Variants in UBE2E2 observed in about 807,000 individuals in gnomAD.
The protein encoded by UBE2E2 is ubiquitin-conjugating enzyme E2 E2.
Under a neutral mutation model 24.7 loss-of-function variants are expected in UBE2E2, and 6 were observed. That is an observed-to-expected ratio of 0.24 (90% CI 0.13 to 0.48). The LOEUF is 0.48. UBE2E2 is among the 20% of genes least tolerant of loss of function. The probability of loss-of-function intolerance (pLI) is 0.99; values close to 1 mark genes in which losing one functional copy is unlikely to be tolerated. For missense variants in UBE2E2, 169 were observed against 245.0 expected, an observed-to-expected ratio of 0.69 and a Z score of 2.07; for synonymous variants, 104 against 83.6, an observed-to-expected ratio of 1.24 and a Z score of -1.33.
chr3:23,291,921 C>T (rs577252908), intron 3 of UBE2E2, among the ~76,000 whole-genome samples: 30 of 137,278 alleles, frequency 2.2e-4, no homozygotes, highest in South Asian at 2.1e-3. Context: ...TGCAGTGGCA[C>T]GATCTCGGCT....
chr3:23,276,293 A>G (rs1287591631), intron 3 of UBE2E2, among the ~76,000 whole-genome samples: 1 of 152,122 alleles, frequency 6.6e-6, no homozygotes, highest in African/African-American at 2.4e-5. Context: ...CATTTATTCT[A>G]ATTTTTGATT....
At chr3:23,312,507 G>A (rs1020728339) in intron 3 of UBE2E2, among the ~76,000 whole-genome samples, 2 of 150,808 alleles carry the variant, frequency 1.3e-5, no homozygotes, top group Non-Finnish European at 3.0e-5. Context: ...ACCATCCCAC[G>A]TTTCCCCAAT....
intron 3 of UBE2E2, among the ~76,000 whole-genome samples, chr3:23,484,248 C>A (rs1300833305): frequency 6.6e-6 from 1 of 152,186 alleles, no homozygotes; most frequent in African/African-American, 2.4e-5. Context: ...AGCTTAATTG[C>A]TTAATTGCCA....
chr3:23,527,403 C>T (rs549998762), intron 4 of UBE2E2, among the ~76,000 whole-genome samples: 1 of 152,262 alleles, frequency 6.6e-6, no homozygotes, highest in South Asian at 2.1e-4. Context: ...AAAATGGAAA[C>T]AACCCTGCGA....
chr3:23,355,257 A>G (rs916479498), intron 3 of UBE2E2, among the ~76,000 whole-genome samples: 2 of 151,692 alleles, frequency 1.3e-5, no homozygotes, highest in South Asian at 2.1e-4. Context: ...GAGGGATAGC[A>G]TTAGGAGATA....
chr3:23,208,904 G>C (rs745945070), intron 2 of UBE2E2, 29 bp downstream of exon 2: 3 of 1,559,160 alleles, frequency 1.9e-6, no homozygotes, highest in Admixed American at 3.8e-5. Context: ...CCTTTTTATT[G>C]TTGGTATCAA....
intron 3 of UBE2E2, among the ~76,000 whole-genome samples, chr3:23,361,340 G>A (rs1410559715): frequency 6.6e-6 from 1 of 152,002 alleles, no homozygotes. Context: ...TCTACCCAAA[G>A]GAAAATAAGT....
At chr3:23,433,816 T>C (rs572749577) in intron 3 of UBE2E2, among the ~76,000 whole-genome samples, 10 of 151,926 alleles carry the variant, frequency 6.6e-5, no homozygotes, top group Non-Finnish European at 1.3e-4. Flanking sequence ...AGCTAACTAA[T>C]AGAAGTATAT....
rs143938191 is a variant in UBE2E2, at chr3:23,493,714, A to G, written c.228-5894A>G. On this transcript the variant is annotated intron_variant, in intron 3 of 5. Transcript: ENST00000396703. ...GCAGCAGTGGATATACATGATTTCT[A>G]AAGTTCTGCTATATCTAAATATACA... 4.5e-4 allele frequency among the ~76,000 whole-genome samples: 69 copies of G among 152,320 alleles called. No homozygotes were observed. The East Asian group carries it at 0.011, about 23-fold the overall frequency.
chr3:23,287,622 T>C (rs1212288986), intron 3 of UBE2E2, among the ~76,000 whole-genome samples: 1 of 152,176 alleles, frequency 6.6e-6, no homozygotes, highest in African/African-American at 2.4e-5. Context: ...TGTTCAGGTT[T>C]TGGATTTCTT....
intron 3 of UBE2E2, among the ~76,000 whole-genome samples, chr3:23,363,855 G>T (rs529993615): frequency 6.6e-6 from 1 of 151,718 alleles, no homozygotes; most frequent in South Asian, 2.1e-4. Flanking sequence ...CTTCTCATCT[G>T]CACATGGCAT....
At chr3:23,406,672 C>T (rs1161767057) in intron 3 of UBE2E2, among the ~76,000 whole-genome samples, 1 of 152,116 alleles carries the variant, frequency 6.6e-6, no homozygotes, top group Non-Finnish European at 1.5e-5. Context: ...AAAAGATTAT[C>T]TTTGAGGTTA....
At chr3:23,545,886 A>T (rs1695511755) in intron 5 of UBE2E2, among the ~76,000 whole-genome samples, 1 of 152,232 alleles carries the variant, frequency 6.6e-6, no homozygotes, top group Non-Finnish European at 1.5e-5. Flanking sequence ...GGAAGCCTTT[A>T]TTCTAAGTGA....
intron 3 of UBE2E2, among the ~76,000 whole-genome samples, chr3:23,413,986 G>T (rs1292390425): frequency 6.6e-6 from 1 of 152,142 alleles, no homozygotes; most frequent in African/African-American, 2.4e-5. Context: ...TATGTTTGGA[G>T]AATAAAATCC....
chr3:23,482,123 A>G (rs979598026), intron 3 of UBE2E2, among the ~76,000 whole-genome samples: 1 of 152,246 alleles, frequency 6.6e-6, no homozygotes, highest in Non-Finnish European at 1.5e-5. Flanking sequence ...GAACTGTGAC[A>G]TAATGTGAAA....
At chr3:23,393,289 A>G (rs963740996) in intron 3 of UBE2E2, among the ~76,000 whole-genome samples, 4 of 152,202 alleles carry the variant, frequency 2.6e-5, no homozygotes, top group African/African-American at 4.8e-5. Flanking sequence ...AAGACTCCCA[A>G]AAGTATCAGA....
intron 3 of UBE2E2, among the ~76,000 whole-genome samples, chr3:23,326,234 G>A (rs538650434): frequency 2.6e-5 from 4 of 152,204 alleles, no homozygotes; most frequent in Admixed American, 1.3e-4. Flanking sequence ...ACCAAGCCTG[G>A]CTAATTTTGT....
chr3:23,461,909 A>C (rs764508780), intron 3 of UBE2E2, among the ~76,000 whole-genome samples: 1 of 152,188 alleles, frequency 6.6e-6, no homozygotes, highest in Non-Finnish European at 1.5e-5. Flanking sequence ...TGTGACATTT[A>C]TATTAAATGT....
chr3:23,217,972 G>T (rs780946543), intron 3 of UBE2E2, among the ~76,000 whole-genome samples: 6 of 152,116 alleles, frequency 3.9e-5, no homozygotes, highest in Non-Finnish European at 8.8e-5. Context: ...TGGGTCTGGT[G>T]CAGTAGTTAG....
Sources: allele counts gnomAD v4.1 joint callset (sites outside exome capture counted in the v4.1 genomes callset), GRCh38; gene constraint gnomAD v4.1.1; transcripts MANE v1.5; gene names NCBI Gene and HGNC (gene_info 2026-07-23, HGNC 2026-07-21).